Variants in HDAC9 observed in about 807,000 individuals in gnomAD.
HDAC9 encodes MEF-2 interacting transcription repressor (MITR) protein.
Under a neutral mutation model 139.4 loss-of-function variants are expected in HDAC9, and 41 were observed. That is an observed-to-expected ratio of 0.29 (90% confidence interval 0.23 to 0.38). HDAC9 has a LOEUF of 0.38. Among genes scored for constraint, HDAC9 ranks in the 10% least tolerant of loss-of-function variants. The probability of loss-of-function intolerance (pLI) is 1.00; values close to 1 mark genes in which losing one functional copy is unlikely to be tolerated. For synonymous variants in HDAC9, 517 were observed against 476.2 expected, an observed-to-expected ratio of 1.09 and a Z score of -1.12; for missense variants, 1,147 against 1,297.0, an observed-to-expected ratio of 0.88 and a Z score of 1.78.
intron 23 of HDAC9, among the ~76,000 whole-genome samples, chr7:18,943,844 T>G (rs1390213874): frequency 6.6e-6 from 1 of 152,092 alleles, no homozygotes; most frequent in Non-Finnish European, 1.5e-5. Context: ...ATTGCTGTGT[T>G]GATATCACCC....
At chr7:18,128,694 A>C (rs12533070) in intron 1 of HDAC9, among the ~76,000 whole-genome samples, 25,398 of 151,830 alleles carry the variant, frequency 0.17, 2,449 homozygotes, top group South Asian at 0.34. Context: ...GATGTATTCA[A>C]AAAATTGAAT....
intron 2 of HDAC9, among the ~76,000 whole-genome samples, chr7:18,255,668 G>T (rs1313840602): frequency 1.8e-5 from 2 of 111,018 alleles, no homozygotes; most frequent in African/African-American, 7.0e-5. Flanking sequence ...TCGCCCTGTT[G>T]CCCAGGCGGG....
At chr7:18,167,867 T>G (rs1048446497) in intron 2 of HDAC9, among the ~76,000 whole-genome samples, 2 of 152,192 alleles carry the variant, frequency 1.3e-5, no homozygotes, top group African/African-American at 4.8e-5. Context: ...TGTCTTAAAA[T>G]TTTATACCTA....
chr7:18,547,643 A>G (rs1815436592), intron 2 of HDAC9, among the ~76,000 whole-genome samples: 2 of 152,150 alleles, frequency 1.3e-5, no homozygotes, highest in African/African-American at 2.4e-5. Context: ...GTGGTTTCAT[A>G]GCATTTGACC....
chr7:18,865,630 G>A (rs1798434633), intron 21 of HDAC9, among the ~76,000 whole-genome samples: 1 of 152,092 alleles, frequency 6.6e-6, no homozygotes, highest in South Asian at 2.1e-4. Flanking sequence ...AGGCACTGGG[G>A]GCTGTTCTGC....
intron 4 of HDAC9, 117 bp from the exon 5 acceptor site, chr7:18,591,399 A>C: frequency 7.4e-7 from 1 of 1,343,646 alleles, no homozygotes; most frequent in Non-Finnish European, 9.6e-7. Flanking sequence ...CAGCGATTTT[A>C]CTTCTTAATC....
chr7:18,151,407 A>T (rs56157884), intron 1 of HDAC9, among the ~76,000 whole-genome samples: 2,145 of 152,250 alleles, frequency 0.014, 42 homozygotes, highest in African/African-American at 0.048. Context: ...GTTTAATAGG[A>T]TTGGTTCTGA....
At chr7:18,280,927 G>A (rs1797065690) in intron 2 of HDAC9, among the ~76,000 whole-genome samples, 1 of 151,866 alleles carries the variant, frequency 6.6e-6, no homozygotes, top group Admixed American at 6.6e-5. Flanking sequence ...TTCTTTGTTC[G>A]CTTAATGTTA....
At chr7:18,733,000 T>A in intron 13 of HDAC9, among the ~76,000 whole-genome samples, 1 of 140,086 alleles carries the variant, frequency 7.1e-6, no homozygotes, top group East Asian at 2.1e-4. Flanking sequence ...TGTATGTGTA[T>A]ATACACATGT....
chr7:18,266,672 A>C (rs1283268751), intron 2 of HDAC9, among the ~76,000 whole-genome samples: 1 of 152,180 alleles, frequency 6.6e-6, no homozygotes, highest in African/African-American at 2.4e-5. Flanking sequence ...GTGGGGGTAC[A>C]GTTTTAAGGG....
chr7:18,495,711 C>A, upstream of HDAC9: 5 of 985,856 alleles, frequency 5.1e-6, no homozygotes, highest in Non-Finnish European at 6.0e-6. Flanking sequence ...TTATCACTCG[C>A]TTTAGCCAAC....
At chr7:18,922,134 C>G (rs1004721751) in intron 22 of HDAC9, among the ~76,000 whole-genome samples, 1 of 151,302 alleles carries the variant, frequency 6.6e-6, no homozygotes, top group Non-Finnish European at 1.5e-5. Flanking sequence ...TGCTAAATGA[C>G]GAGTTAATGG....
chr7:18,175,286 G>A (rs190959137), intron 2 of HDAC9, among the ~76,000 whole-genome samples: 2 of 152,312 alleles, frequency 1.3e-5, no homozygotes, highest in Admixed American at 1.3e-4. Context: ...ATAATCTTTT[G>A]GTGTGCCATT....
chr7:18,230,546 C>A (rs1793387221), intron 2 of HDAC9, among the ~76,000 whole-genome samples: 1 of 152,192 alleles, frequency 6.6e-6, no homozygotes, highest in Non-Finnish European at 1.5e-5. Flanking sequence ...CTATTACGTT[C>A]CTGTAATTGA....
chr7:18,719,696 A>C (rs768849669), intron 12 of HDAC9, among the ~76,000 whole-genome samples: 1 of 151,784 alleles, frequency 6.6e-6, no homozygotes, highest in South Asian at 2.1e-4. Context: ...CTTATACGCA[A>C]AAAAAGTACT....
intron 1 of HDAC9, among the ~76,000 whole-genome samples, chr7:18,131,822 T>G (rs916908313): frequency 2.6e-5 from 4 of 152,184 alleles, no homozygotes; most frequent in Admixed American, 2.0e-4. Flanking sequence ...TTCACACATC[T>G]TTGGTCTTTG....
intron 21 of HDAC9, among the ~76,000 whole-genome samples, chr7:18,840,685 T>G (rs1221502062): frequency 6.6e-6 from 1 of 152,100 alleles, no homozygotes; most frequent in Non-Finnish European, 1.5e-5. Flanking sequence ...TTGAACCATT[T>G]GAGCACATAC....
At chr7:18,805,857 G>A (rs545908739) in intron 17 of HDAC9, among the ~76,000 whole-genome samples, 30 of 152,294 alleles carry the variant, frequency 2.0e-4, no homozygotes, top group African/African-American at 7.0e-4. Context: ...CTCCAGAGCT[G>A]TAGGATCTGT....
intron 21 of HDAC9, among the ~76,000 whole-genome samples, chr7:18,841,741 C>G (rs992038710): frequency 2.0e-5 from 3 of 152,114 alleles, no homozygotes; most frequent in African/African-American, 7.2e-5. Flanking sequence ...GACATCTAAA[C>G]TGGTAAGTGC....
Sources: gnomAD v4.1 joint callset for allele counts (sites outside exome capture counted in the v4.1 genomes callset) on GRCh38, gnomAD v4.1.1 for gene constraint, MANE v1.5 for transcripts, NCBI Gene and HGNC (gene_info 2026-07-23, HGNC 2026-07-21) for gene names.